The following ACACA variants were observed in gnomAD, a reference collection of about 807,000 sequenced individuals.
The protein encoded by ACACA is acetyl-CoA carboxylase 1.
Under a neutral mutation model 296.1 loss-of-function variants are expected in ACACA, and 103 were observed. That is an observed-to-expected ratio of 0.35 (90% CI 0.30 to 0.41). ACACA has a LOEUF of 0.41. Among genes scored for constraint, ACACA ranks in the 10% least tolerant of loss-of-function variants. The probability of loss-of-function intolerance (pLI) is 1.00; values close to 1 mark genes in which losing one functional copy is unlikely to be tolerated. For synonymous variants in ACACA, 953 were observed against 1,038.6 expected (o/e 0.92, Z 1.58); for missense variants, 1,554 against 2,989.7 (o/e 0.52, Z 11.20).
intron 36 of ACACA, 111 bp from the exon 37 acceptor site, chr17:37,192,416 G>A (rs1598127286): frequency 9.7e-7 from 1 of 1,030,662 alleles, no homozygotes; most frequent in East Asian, 2.6e-5. Flanking sequence ...GCTATGATGT[G>A]CTAATGAGCA....
At chr17:37,394,478 T>G (rs2051006445) in intron 1 of ACACA, among the ~76,000 whole-genome samples, 1 of 151,780 alleles carries the variant, frequency 6.6e-6, no homozygotes, top group East Asian at 1.9e-4. Context: ...CACAAAGTGC[T>G]GGGGTAAAAA....
intron 49 of ACACA, 34 bp downstream of exon 49, chr17:37,122,497 A>C: frequency 6.3e-7 from 1 of 1,576,492 alleles, no homozygotes; most frequent in Non-Finnish European, 8.7e-7. Flanking sequence ...AAAACCCTCC[A>C]AGCACAGCCC....
intron 1 of ACACA, chr17:37,387,133 GT>G (rs1465978270): frequency 6.6e-6 from 1 of 151,744 alleles, no homozygotes; most frequent in African/African-American, 2.4e-5. Flanking sequence ...GCATATATTT[GT>G]TTTGATATGG....
intron 1 of ACACA, among the ~76,000 whole-genome samples, chr17:37,367,998 C>A (rs554479055): frequency 1.1e-4 from 16 of 151,640 alleles, no homozygotes; most frequent in African/African-American, 3.9e-4. Context: ...ACCCGGGAGG[C>A]GGAGGTTGCA....
intron 3 of ACACA, among the ~76,000 whole-genome samples, chr17:37,291,606 TA>T (rs889823154): frequency 2.0e-5 from 3 of 152,182 alleles, no homozygotes; most frequent in African/African-American, 7.2e-5. Flanking sequence ...GAGCTTACTT[TA>T]GAGCAAATAC....
intron 3 of ACACA, among the ~76,000 whole-genome samples, chr17:37,321,299 A>T (rs2047343791): frequency 6.6e-6 from 1 of 152,184 alleles, no homozygotes. Flanking sequence ...CCAAGGATAA[A>T]GGTCTGCACA....
intron 1 of ACACA, among the ~76,000 whole-genome samples, chr17:37,394,301 C>G (rs1158435508): frequency 6.6e-6 from 1 of 151,598 alleles, no homozygotes; most frequent in African/African-American, 2.4e-5. Flanking sequence ...ACCTCTGCTT[C>G]CCGGGTTCAA....
intron 45 of ACACA, among the ~76,000 whole-genome samples, chr17:37,132,945 C>A (rs116115796): frequency 6.6e-6 from 1 of 152,166 alleles, no homozygotes; most frequent in East Asian, 1.9e-4. Flanking sequence ...AGCTAAAACT[C>A]GGGTTCTGAT....
chr17:37,343,830 T>C (rs1013745945), intron 1 of ACACA, among the ~76,000 whole-genome samples: 3 of 152,030 alleles, frequency 2.0e-5, no homozygotes, highest in African/African-American at 7.2e-5. Flanking sequence ...TTGTCATTTA[T>C]TTTTTAATGG....
intron 41 of ACACA, among the ~76,000 whole-genome samples, chr17:37,167,119 ATTTTTTTTTTTT>A (rs11290127): frequency 4.5e-4 from 46 of 101,322 alleles, no homozygotes; most frequent in Admixed American, 3.5e-3. Flanking sequence ...TAATTTTTGC[ATTTTTTTTTTTT>A]TTTTTTTTTT....
At chr17:37,276,096 C>A (rs1262301245) in intron 7 of ACACA, 47 bp from the exon 8 acceptor site, 3 of 1,416,872 alleles carry the variant, frequency 2.1e-6, no homozygotes, top group Non-Finnish European at 3.0e-6. Context: ...ACCTTGGCCT[C>A]ATTTCTGGCA....
At chr17:37,270,719 G>C in intron 10 of ACACA, 32 bp downstream of exon 10, 1 of 1,509,682 alleles carries the variant, frequency 6.6e-7, no homozygotes. Context: ...ATACATGTTA[G>C]TTCAAACAAA....
At chr17:37,322,715 T>C (rs2047411613) in intron 3 of ACACA, among the ~76,000 whole-genome samples, 1 of 152,068 alleles carries the variant, frequency 6.6e-6, no homozygotes, top group Non-Finnish European at 1.5e-5. Flanking sequence ...GCCAGCAGAC[T>C]TGCAATGGTG....
chr17:37,097,262 G>T lies in ACACA; in HGVS notation c.6721-96C>A. On this transcript the variant is annotated intron_variant, in intron 53 of 55. Coordinates refer to ENST00000616317, the MANE Select transcript of ACACA (RefSeq NM_198834.3). The surrounding 1 kb of genome is among the most constrained non-coding windows in gnomAD (Gnocchi z 4.8). Reference sequence around the variant, plus strand: ...ACAGGCATAAAAACTGATTCTCCAGGCAAGCCCTTCACAGACCCAAGAGCT... The same window carrying T: ...ACAGGCATAAAAACTGATTCTCCAGTCAAGCCCTTCACAGACCCAAGAGCT... 2.1e-6 allele frequency: 3 copies of T among 1,438,044 alleles called. No individual in the cohort carries two copies. The highest frequency in any genetic ancestry group is 2.9e-6 in the Non-Finnish European group (3 of 1,051,924). The allele number at this position is 1,438,044 out of a possible 1,614,324, so 89.1% of individuals were successfully genotyped here.
In ACACA at chr17:37,317,989, AC is replaced by A. The variant is rs1472301844; in HGVS notation, c.338+12183del. ...TACAAAGGCACCATGGCAACTGGGA[AC>A]CTCAGAATATCAAGGAAGGAGCACT... On this transcript the variant is annotated intron_variant, in intron 3 of 55. Transcript: ENST00000616317. 3.9e-4 allele frequency among the ~76,000 whole-genome samples: 60 copies of A among 152,286 alleles called. No homozygotes were observed. The Middle Eastern group carries it at 0.01, about 26-fold the overall frequency.
At chr17:37,153,310 AT>A (rs2076114724) in intron 43 of ACACA, among the ~76,000 whole-genome samples, 1 of 152,204 alleles carries the variant, frequency 6.6e-6, no homozygotes, top group Non-Finnish European at 1.5e-5. Flanking sequence ...CCGTAACTAT[AT>A]TGTGTCTCAG....
intron 24 of ACACA, among the ~76,000 whole-genome samples, chr17:37,236,981 T>C (rs1397638898): frequency 2.0e-5 from 3 of 152,258 alleles, no homozygotes; most frequent in African/African-American, 7.2e-5. Context: ...ATCTCTAGTA[T>C]CTTTGAAGAC....
At chr17:37,112,808 G>A (rs2074050055) in intron 51 of ACACA, among the ~76,000 whole-genome samples, 1 of 152,202 alleles carries the variant, frequency 6.6e-6, no homozygotes. Flanking sequence ...ACTATGAAAG[G>A]ATGCCAGATT....
chr17:37,214,328 T>C (rs1005676820), intron 29 of ACACA, among the ~76,000 whole-genome samples: 5 of 152,234 alleles, frequency 3.3e-5, no homozygotes, highest in Admixed American at 2.6e-4. Context: ...GCCCTGAGTC[T>C]ACTGCAGAGC....
Sources: allele counts gnomAD v4.1 joint callset (sites outside exome capture counted in the v4.1 genomes callset), GRCh38; gene constraint gnomAD v4.1.1; non-coding constraint Gnocchi (gnomAD v3.1); transcripts MANE v1.5; gene names NCBI Gene and HGNC (gene_info 2026-07-23, HGNC 2026-07-21).